Variants in SOCS7 observed in about 807,000 individuals in gnomAD.
SOCS7 encodes the protein suppressor of cytokine signaling 7.
A neutral mutation model predicts 58.9 loss-of-function variants in SOCS7; 18 were observed. That is an observed-to-expected ratio of 0.31 (90% confidence interval 0.21 to 0.45). The LOEUF (loss-of-function observed/expected upper bound fraction) is 0.45. SOCS7 is among the 20% of genes least tolerant of loss of function. The pLI, the probability that SOCS7 is intolerant of heterozygous loss-of-function variation, is 1.00. For missense variants in SOCS7, 667 were observed against 837.3 expected (o/e 0.80, Z 2.51); for synonymous variants, 388 against 364.3 (o/e 1.06, Z -0.74).
intron 9 of SOCS7, among the ~76,000 whole-genome samples, chr17:38,398,750 C>T (rs1221166634): frequency 6.6e-6 from 1 of 152,106 alleles, no homozygotes. Context: ...CAACAGTGGC[C>T]TTTGTGTTTC....
chr17:38,354,275 A>T (rs1169970314), intron 1 of SOCS7, among the ~76,000 whole-genome samples: 1 of 152,228 alleles, frequency 6.6e-6, no homozygotes, highest in East Asian at 1.9e-4. Context: ...CATAAACCAA[A>T]GCTAAAGAAC....
intron 7 of SOCS7, among the ~76,000 whole-genome samples, chr17:38,392,920 C>T (rs112681642): frequency 6.0e-4 from 92 of 152,320 alleles, no homozygotes; most frequent in African/African-American, 2.2e-3. Context: ...TCTCTAAGCT[C>T]AGTGGGCCTC....
At chr17:38,395,278 T>C in intron 7 of SOCS7, 31 bp from the exon 8 acceptor site, 1 of 1,611,190 alleles carries the variant, frequency 6.2e-7, no homozygotes, top group Non-Finnish European at 8.5e-7. Flanking sequence ...TTGTTTCCTC[T>C]GAATACTTTC....
chr17:38,389,146 G>C (rs1408248745), intron 7 of SOCS7, among the ~76,000 whole-genome samples: 1 of 152,192 alleles, frequency 6.6e-6, no homozygotes, highest in Non-Finnish European at 1.5e-5. Flanking sequence ...TTGTGGTTTT[G>C]ATTTGCATTT....
intron 5 of SOCS7, 102 bp from the exon 6 acceptor site, chr17:38,367,780 G>A: frequency 9.8e-7 from 1 of 1,024,486 alleles, no homozygotes; most frequent in Non-Finnish European, 1.4e-6. Flanking sequence ...GAAATATTTT[G>A]GAGAGAATGC....
At chr17:38,387,092 A>AT (rs2038077752) in intron 7 of SOCS7, among the ~76,000 whole-genome samples, 9 of 89,992 alleles carry the variant, frequency 1.0e-4, no homozygotes, top group African/African-American at 6.6e-4. Context: ...TAAAAAAAAA[A>AT]AAAAAAAAAA....
In SOCS7 at chr17:38,364,749, C is replaced by T. The variant is rs771514521; in HGVS notation, c.1046-3C>T. 1 of 1,613,408 alleles carries T rather than the reference C, an allele frequency of 6.2e-7. No individual in the cohort carries two copies. Among genetic ancestry groups the T allele is most frequent in the Non-Finnish European group, 8.5e-7 (1 of 1,179,400 alleles). ...TAACTTGCTTGCTCCATGAATCCCT[C>T]AGGTGAAACTGTGTCGCTTGTGGAT... On this transcript the variant is annotated splice_polypyrimidine_tract_variant and splice_region_variant and intron_variant, in intron 2 of 9. Coordinates refer to ENST00000612932, the MANE Select transcript of SOCS7 (RefSeq NM_014598.4).
At chr17:38,354,405 A>G (rs1288340849) in intron 1 of SOCS7, among the ~76,000 whole-genome samples, 1 of 152,226 alleles carries the variant, frequency 6.6e-6, no homozygotes, top group Non-Finnish European at 1.5e-5. Context: ...CCACTCATCC[A>G]TAGACTTCTG....
chr17:38,379,191 A>C (rs1047262141), intron 7 of SOCS7, among the ~76,000 whole-genome samples: 3 of 151,446 alleles, frequency 2.0e-5, no homozygotes, highest in South Asian at 2.1e-4. Flanking sequence ...AAAAAAAAAA[A>C]AACAAGGCAG....
rs773176788 is a variant in SOCS7, at chr17:38,367,893, T to C, written c.1395T>C (p.Tyr465=). 5 of 1,614,000 alleles carry C rather than the reference T, an allele frequency of 3.1e-6. No individual in the cohort carries two copies. The African/African-American group carries it at 4.0e-5, about 13-fold the overall frequency. ...SLRELEKCGW[Y]WGPMNWEDAE... ...CTTGTCTTTGATAGTGTGGTTGGTA[T>C]TGGGGGCCAATGAATTGGGAAGATG... Residue 465 remains tyrosine (Y), a synonymous_variant, in exon 6 of 10, where the codon TAT becomes TAC. Transcript: ENST00000612932.
chr17:38,401,894 G>A lies in SOCS7; in HGVS notation c.*2412G>A, dbSNP rs2038323814. The A allele has an allele frequency of 6.6e-6, 1 of 152,322 alleles. No individual in the cohort carries two copies. The highest frequency in any genetic ancestry group is 6.5e-5 in the Admixed American group (1 of 15,292). 9.4% of individuals were successfully genotyped at this position (152,322 alleles called of 1,614,324 possible). ...GCAGACCTGAGTGCCAAGGGGTTATGATGGTGAGGTGGAGCCCAAAGCCCA... is the reference window on the plus strand; with the variant it reads ...GCAGACCTGAGTGCCAAGGGGTTATAATGGTGAGGTGGAGCCCAAAGCCCA... On this transcript the variant is annotated 3_prime_UTR_variant, in exon 10 of 10. Transcript: ENST00000612932.
chr17:38,389,907 A>ATATATGTACATATATATAT (rs2038146563), intron 7 of SOCS7, among the ~76,000 whole-genome samples: 3 of 90,218 alleles, frequency 3.3e-5, no homozygotes, highest in African/African-American at 4.2e-5. Context: ...ATACACATAT[A>ATATATGTACATATATATAT]GAGAGAGAGA....
chr17:38,371,288 T>C (rs148540145), intron 6 of SOCS7, among the ~76,000 whole-genome samples: 1 of 151,562 alleles, frequency 6.6e-6, no homozygotes, highest in African/African-American at 2.4e-5. Context: ...TTTTTTTTTT[T>C]TTTTGAGACG....
At chr17:38,364,629 T>C in intron 2 of SOCS7, 123 bp from the exon 3 acceptor site, 1 of 737,718 alleles carries the variant, frequency 1.4e-6, no homozygotes, top group Non-Finnish European at 2.4e-6. Context: ...GGGCATTAGG[T>C]TTTGAGCTTT....
chr17:38,360,846 A>T (rs1567736628), intron 1 of SOCS7, among the ~76,000 whole-genome samples: 2 of 152,186 alleles, frequency 1.3e-5, no homozygotes, highest in Non-Finnish European at 2.9e-5. Flanking sequence ...GCCAGCATAT[A>T]ACATATTTCT....
chr17:38,398,621 C>A (rs569033516), intron 9 of SOCS7, among the ~76,000 whole-genome samples: 30 of 152,242 alleles, frequency 2.0e-4, no homozygotes, highest in African/African-American at 7.2e-4. Context: ...TTTGGGAGTT[C>A]TGAATGGCCT....
At chr17:38,389,758 C>T (rs2038126020) in intron 7 of SOCS7, among the ~76,000 whole-genome samples, 2 of 138,530 alleles carry the variant, frequency 1.4e-5, no homozygotes, top group African/African-American at 5.4e-5. Flanking sequence ...GAGCTTAATG[C>T]CTATATTTTC....
At chr17:38,370,243 C>T (rs1397123723) in intron 6 of SOCS7, among the ~76,000 whole-genome samples, 1 of 152,232 alleles carries the variant, frequency 6.6e-6, no homozygotes, top group African/African-American at 2.4e-5. Flanking sequence ...CGTGATCTGC[C>T]TGCCTCGGCT....
In SOCS7 at chr17:38,385,323, T is replaced by G. The variant is rs183748516; in HGVS notation, c.1681+7481T>G. ...TGCTTCTCCATGACGTTGTTTAATA[T>G]GTTCCTCTGTACTCTGAATTTCCTG... On this transcript the variant is annotated intron_variant, in intron 7 of 9. Transcript: ENST00000612932. Among the ~76,000 whole-genome samples the G allele has an allele frequency of 7.9e-5, 12 of 152,278 alleles. No individual in the cohort carries two copies. The East Asian group carries it at 2.3e-3, about 29-fold the overall frequency.
Sources: allele counts gnomAD v4.1 joint callset (sites outside exome capture counted in the v4.1 genomes callset), GRCh38; gene constraint gnomAD v4.1.1; transcripts MANE v1.5; gene names NCBI Gene and HGNC (gene_info 2026-07-23, HGNC 2026-07-21).